Variants in TEKT5 observed in about 807,000 individuals in gnomAD.
TEKT5 encodes the protein tektin 5, also known as tektin-5.
TEKT5 carries 52 observed loss-of-function variants against 48.7 expected under a neutral mutation model. That is an observed-to-expected ratio of 1.07 (90% confidence interval 0.86 to 1.35). The LOEUF (loss-of-function observed/expected upper bound fraction) is 1.35, where lower values mean the gene tolerates loss of function less well. Among genes scored for constraint, TEKT5 ranks in the 40% most tolerant of loss-of-function variants. The pLI is 0.00. For synonymous variants in TEKT5, 318 were observed against 267.6 expected, an observed-to-expected ratio of 1.19 and a Z score of -1.84; for missense variants, 831 against 641.6, an observed-to-expected ratio of 1.30 and a Z score of -3.19.
intron 5 of TEKT5, among the ~76,000 whole-genome samples, chr16:10,636,690 CGTGTGTGTGTGTGTGT>C (rs34623422): frequency 4.8e-5 from 7 of 145,284 alleles, no homozygotes; most frequent in South Asian, 4.5e-4. Context: ...TACATACATA[CGTGTGTGTGTGTGTGT>C]GTGTGTGTGT....
intron 5 of TEKT5, among the ~76,000 whole-genome samples, chr16:10,639,401 T>G (rs73507956): frequency 6.6e-6 from 1 of 152,186 alleles, no homozygotes; most frequent in African/African-American, 2.4e-5. Context: ...TTGGGAATAA[T>G]AGGAGTGCTG....
Position 10,682,099 on chromosome 16 carries a change from G to C in TEKT5, c.757C>G (p.Leu253Val). 1.9e-6 allele frequency: 3 copies of C among 1,614,134 alleles called. No individual in the cohort carries two copies. Among genetic ancestry groups the C allele is most frequent in the African/African-American group, 2.7e-5 (2 of 75,036 alleles). Reference sequence around the variant, plus strand: ...CACTGGGCCGAGCTTTTGTCTTCGAGGTCCCTCTCCAGCACGTGCTGAGCA... The same window carrying C: ...CACTGGGCCGAGCTTTTGTCTTCGACGTCCCTCTCCAGCACGTGCTGAGCA... ...RDAQHVLERD[L>V]EDKSSAQCID... The change falls in exon 4 of 7, where the codon CTC becomes GTC. Residue 253 changes from leucine to valine, a missense_variant. Coordinates refer to ENST00000283025, the MANE Select transcript of TEKT5 (RefSeq NM_144674.2).
chr16:10,690,187 C>G (rs1898943453), intron 1 of TEKT5, 162 bp from the exon 2 acceptor site: 1 of 659,218 alleles, frequency 1.5e-6, no homozygotes, highest in Non-Finnish European at 2.6e-6. Flanking sequence ...TTCTGCCTCC[C>G]CTTCTCCCCG....
At chr16:10,638,501 A>G (rs972913861) in intron 5 of TEKT5, among the ~76,000 whole-genome samples, 1 of 152,238 alleles carries the variant, frequency 6.6e-6, no homozygotes, top group Non-Finnish European at 1.5e-5. Context: ...GAAATGAGGC[A>G]GTGATGTCCT....
chr16:10,694,794 ACAGCTGG>A lies in TEKT5; in HGVS notation c.73_79del (p.Pro25TyrfsTer5). 1.2e-6 allele frequency: 2 copies of A among 1,613,138 alleles called. No individual in the cohort carries two copies. Among genetic ancestry groups the A allele is most frequent in the Middle Eastern group, 3.3e-4 (2 of 6,054 alleles). ...GCATTCCTGGATCACTGGCGCCTGT[ACAGCTGG>A]CAGTGAGGTCAAGCCACAGCATTTC... On this transcript the variant is annotated frameshift_variant, in exon 1 of 7. Coordinates refer to ENST00000283025, the MANE Select transcript of TEKT5 (RefSeq NM_144674.2). LOFTEE classifies it high-confidence loss of function.
chr16:10,656,082 G>A (rs1254836024), intron 5 of TEKT5, among the ~76,000 whole-genome samples: 1 of 152,064 alleles, frequency 6.6e-6, no homozygotes, highest in Non-Finnish European at 1.5e-5. Context: ...TTGTGGAGGA[G>A]ACCGTCCTGT....
intron 5 of TEKT5, among the ~76,000 whole-genome samples, chr16:10,651,133 T>C (rs952917230): frequency 6.6e-6 from 1 of 152,168 alleles, no homozygotes; most frequent in African/African-American, 2.4e-5. Context: ...ACATGGTCTT[T>C]CTGCAGGGCA....
At chr16:10,654,542 A>G (rs546347825) in intron 5 of TEKT5, among the ~76,000 whole-genome samples, 34 of 152,240 alleles carry the variant, frequency 2.2e-4, no homozygotes, top group African/African-American at 8.2e-4. Context: ...CACCCAACCC[A>G]CTGAGGGTCC....
intron 5 of TEKT5, among the ~76,000 whole-genome samples, chr16:10,671,070 A>T (rs961770778): frequency 3.3e-5 from 5 of 152,052 alleles, no homozygotes; most frequent in Admixed American, 2.6e-4. Context: ...CATTCAAAAG[A>T]TCCTTTCTCT....
chr16:10,649,120 TTTTTA>T (rs1898114868), intron 5 of TEKT5, among the ~76,000 whole-genome samples: 3 of 152,020 alleles, frequency 2.0e-5, no homozygotes, highest in Admixed American at 2.0e-4. Flanking sequence ...TGGCTATTTA[TTTTTA>T]TTTTGTTTGT....
chr16:10,681,922 C>T (rs1596417608), intron 4 of TEKT5, 71 bp downstream of exon 4: 3 of 1,564,756 alleles, frequency 1.9e-6, no homozygotes, highest in African/African-American at 1.3e-5. Context: ...CTTCGCCATT[C>T]GTTGGCAGGA....
Position 10,674,617 on chromosome 16 carries a change from GAAAAAAAAAAAA to G in TEKT5, c.1086+1330_1086+1341del, listed in dbSNP as rs57583870. On this transcript the variant is annotated intron_variant, in intron 5 of 6. Coordinates refer to ENST00000283025, the MANE Select transcript of TEKT5 (RefSeq NM_144674.2). Reference sequence around the variant, plus strand: ...TGGGCAACAGAGCAAGATCATCTCAGAAAAAAAAAAAAAAAAAAAAAAAACAGAGAGAGAAGA... The same window carrying G: ...TGGGCAACAGAGCAAGATCATCTCAGAAAAAAAAAAAACAGAGAGAGAAGA... 4.0e-4 allele frequency among the ~76,000 whole-genome samples: 30 copies of G among 74,738 alleles called. 1 individual carries two copies. Among genetic ancestry groups the G allele is most frequent in the South Asian group, 9.6e-4 (2 of 2,090 alleles). 49.0% of individuals were successfully genotyped at this position (74,738 alleles called of 152,430 possible).
At chr16:10,637,746 A>T (rs989049576) in intron 5 of TEKT5, among the ~76,000 whole-genome samples, 10 of 152,250 alleles carry the variant, frequency 6.6e-5, no homozygotes, top group African/African-American at 1.4e-4. Flanking sequence ...GAAAATCAGA[A>T]AAAGTCAAAT....
intron 5 of TEKT5, among the ~76,000 whole-genome samples, chr16:10,667,262 G>A (rs571077552): frequency 6.6e-6 from 1 of 152,124 alleles, no homozygotes; most frequent in Non-Finnish European, 1.5e-5. Flanking sequence ...GGGATTACAG[G>A]CATGAGCCAC....
intron 1 of TEKT5, chr16:10,691,508 G>T (rs4363862): frequency 2.0e-5 from 3 of 152,298 alleles, no homozygotes; most frequent in African/African-American, 7.3e-5. Flanking sequence ...GAATGCACCA[G>T]AAGGGAAAAC....
rs572998899 is a variant in TEKT5 at position 10,652,836 on chromosome 16, GACACACACACACACAC to G, written c.1087-16934_1087-16919del. On this transcript the variant is annotated intron_variant, in intron 5 of 6. Transcript: ENST00000283025. ...GAACGATCCCTTATATACACAGGCA[GACACACACACACACAC>G]ACACACACACACACACACCCTCCAG... 6.9e-3 allele frequency among the ~76,000 whole-genome samples: 136 copies of G among 19,632 alleles called. 3 individuals are homozygous for G. The highest frequency in any genetic ancestry group is 0.014 in the African/African-American group (45 of 3,326). The allele number at this position is 19,632 out of a possible 152,430, so 12.9% of individuals were successfully genotyped here. A position where few individuals can be genotyped will look rare whatever the true frequency, so the allele number is the denominator to read the frequency against.
At chr16:10,652,533 G>A (rs1411313400) in intron 5 of TEKT5, among the ~76,000 whole-genome samples, 9 of 51,266 alleles carry the variant, frequency 1.8e-4, no homozygotes, top group Non-Finnish European at 7.6e-5. Context: ...ATATACACAG[G>A]CAGACATACA....
intron 5 of TEKT5, among the ~76,000 whole-genome samples, chr16:10,664,688 A>T (rs1002508333): frequency 6.6e-6 from 1 of 152,218 alleles, no homozygotes; most frequent in Non-Finnish European, 1.5e-5. Flanking sequence ...TGTTCCTCAC[A>T]GCTGGTAGGA....
chr16:10,693,082 TG>T, intron 1 of TEKT5: 1 of 152,372 alleles, frequency 6.6e-6, no homozygotes, highest in East Asian at 1.9e-4. Flanking sequence ...ATTTAGTTTT[TG>T]TTTGTTGTTT....
Sources: allele counts gnomAD v4.1 joint callset (sites outside exome capture counted in the v4.1 genomes callset), GRCh38; gene constraint gnomAD v4.1.1; transcripts MANE v1.5; gene names NCBI Gene and HGNC (gene_info 2026-07-23, HGNC 2026-07-21).